NR1H4: variants seen among roughly 807,000 people sequenced by gnomAD.
NR1H4 encodes the protein bile acid receptor.
Under a neutral mutation model 58.5 loss-of-function variants are expected in NR1H4, and 23 were observed. The observed-to-expected ratio is 0.39, with a 90% confidence interval of 0.28 to 0.56. The LOEUF is 0.56. Among genes scored for constraint, NR1H4 ranks in the 20% least tolerant of loss-of-function variants. The pLI is 0.58. For missense variants in NR1H4, 487 were observed against 576.9 expected (o/e 0.84, Z 1.60); for synonymous variants, 214 against 198.0 (o/e 1.08, Z -0.68).
At chr12:100,535,695 C>T (rs143270080) in intron 6 of NR1H4, among the ~76,000 whole-genome samples, 6 of 152,284 alleles carry the variant, frequency 3.9e-5, no homozygotes, top group East Asian at 3.9e-4. Context: ...TTTACAAATA[C>T]GTATTTTTGT....
At chr12:100,543,440 C>T (rs981924991) in intron 9 of NR1H4, among the ~76,000 whole-genome samples, 2 of 152,052 alleles carry the variant, frequency 1.3e-5, no homozygotes, top group Admixed American at 6.6e-5. Flanking sequence ...AAAGATGTCA[C>T]GCTTGCTGCC....
At chr12:100,492,439 A>G (rs1172679374) in intron 1 of NR1H4, 64 bp from the exon 2 acceptor site, 1 of 152,244 alleles carries the variant, frequency 6.6e-6, no homozygotes. Context: ...CAGCTTGGGA[A>G]AAGAGATTCT....
Position 100,529,491 on chromosome 12 carries a change from G to A in NR1H4, c.446-2967G>A, listed in dbSNP as rs188034366. ...GGTAAAGACTCAACTCCTTTGCTTG[G>A]CATTCAAGGACACTTAATCACATTC... On this transcript the variant is annotated intron_variant, in intron 4 of 10. Transcript: ENST00000392986. Among the ~76,000 whole-genome samples the A allele has an allele frequency of 8.7e-4, 133 of 152,072 alleles. 1 individual carries two copies. Among genetic ancestry groups the A allele is most frequent in the Non-Finnish European group, 3.8e-4 (26 of 67,988 alleles).
intron 6 of NR1H4, among the ~76,000 whole-genome samples, chr12:100,536,214 T>C (rs1046432554): frequency 2.0e-5 from 3 of 152,160 alleles, no homozygotes; most frequent in African/African-American, 7.2e-5. Context: ...TGACCTTCAA[T>C]ATGAATGGGC....
intron 9 of NR1H4, 152 bp downstream of exon 9, chr12:100,540,970 A>T (rs993088478): frequency 2.5e-6 from 2 of 791,662 alleles, no homozygotes; most frequent in Non-Finnish European, 4.2e-6. Context: ...TGTTAAATTG[A>T]TAAGACTTCT....
chr12:100,479,687 A>G (rs1364061683), intron 1 of NR1H4, among the ~76,000 whole-genome samples: 1 of 152,220 alleles, frequency 6.6e-6, no homozygotes, highest in Non-Finnish European at 1.5e-5. Context: ...TCCATTTAGA[A>G]GAAAATCCAA....
intron 4 of NR1H4, among the ~76,000 whole-genome samples, chr12:100,512,698 A>C (rs1374945950): frequency 6.6e-6 from 1 of 152,194 alleles, no homozygotes; most frequent in Non-Finnish European, 1.5e-5. Flanking sequence ...ACTAAGGCAC[A>C]GATAATCGTG....
chr12:100,490,317 G>A (rs563699609), intron 1 of NR1H4, among the ~76,000 whole-genome samples: 3 of 152,274 alleles, frequency 2.0e-5, no homozygotes, highest in South Asian at 4.1e-4. Flanking sequence ...GGAAGTACGG[G>A]GGAGCTTGCT....
At chr12:100,532,365 G>A (rs1461657037) in intron 4 of NR1H4, 93 bp from the exon 5 acceptor site, 5 of 1,301,708 alleles carry the variant, frequency 3.8e-6, no homozygotes, top group Non-Finnish European at 5.6e-6. Context: ...AGCAGTTGGT[G>A]AGAAAATGTC....
rs149797288 is a variant in NR1H4, at chr12:100,551,914, G to A, written c.1079-9971G>A. ...ACTTATAATACCTAATACAATGTAA[G>A]TGGTATGTAAATAATTGCTTCACTG... On this transcript the variant is annotated intron_variant, in intron 9 of 10. Transcript: ENST00000392986. 1.2e-3 allele frequency among the ~76,000 whole-genome samples: 186 copies of A among 152,298 alleles called. 1 individual carries two copies. The highest frequency in any genetic ancestry group is 4.2e-3 in the African/African-American group (173 of 41,566).
chr12:100,540,626 A>G, intron 8 of NR1H4, 46 bp from the exon 9 acceptor site: 1 of 1,592,094 alleles, frequency 6.3e-7, no homozygotes, highest in Admixed American at 1.7e-5. Context: ...GTGATCATGA[A>G]ATATTGTTAC....
intron 1 of NR1H4, among the ~76,000 whole-genome samples, chr12:100,490,353 CAG>C: frequency 6.6e-6 from 1 of 152,214 alleles, no homozygotes; most frequent in East Asian, 1.9e-4. Context: ...TTAAAAAAGA[CAG>C]ATGTGAGACA....
intron 5 of NR1H4, among the ~76,000 whole-genome samples, chr12:100,534,168 C>T (rs867476511): frequency 1.3e-5 from 2 of 152,332 alleles, no homozygotes; most frequent in South Asian, 2.1e-4. Flanking sequence ...GCTGGGATTA[C>T]AGGCGTGAGC....
At chr12:100,477,652 G>A (rs1329593640) in intron 1 of NR1H4, among the ~76,000 whole-genome samples, 1 of 152,194 alleles carries the variant, frequency 6.6e-6, no homozygotes, top group Non-Finnish European at 1.5e-5. Flanking sequence ...GCTGATTAGA[G>A]AAAACAAAAA....
chr12:100,483,744 G>T (rs1953430553), intron 1 of NR1H4, among the ~76,000 whole-genome samples: 2 of 152,268 alleles, frequency 1.3e-5, no homozygotes, highest in South Asian at 4.1e-4. Flanking sequence ...AGCACTTTGG[G>T]AGGCCAAGGC....
chr12:100,511,327 T>C (rs1954109985), intron 4 of NR1H4, among the ~76,000 whole-genome samples, 184 bp downstream of exon 4: 1 of 152,200 alleles, frequency 6.6e-6, no homozygotes, highest in Non-Finnish European at 1.5e-5. Flanking sequence ...ACTGTTAGAG[T>C]ATTTAGCTTA....
chr12:100,492,205 G>T (rs1466260615), intron 1 of NR1H4, among the ~76,000 whole-genome samples: 1 of 152,160 alleles, frequency 6.6e-6, no homozygotes, highest in Non-Finnish European at 1.5e-5. Flanking sequence ...TTTCCCAGCA[G>T]CCAAGTGCAC....
rs182065927 is a variant in NR1H4 at position 100,540,934 on chromosome 12, A to G, written c.1078+116A>G. The G allele has an allele frequency of 1.9e-3, 1,818 of 960,226 alleles. 6 individuals carry two copies. The highest frequency in any genetic ancestry group is 9.6e-3 in the Middle Eastern group (43 of 4,492). 59.5% of individuals were successfully genotyped at this position (960,226 alleles called of 1,614,324 possible). ...ATGTTATATGCCTGTTGTGCCTAGC[A>G]TGAAGAATGGCTCTAAAAAGATATG... On this transcript the variant is annotated intron_variant, in intron 9 of 10. Transcript: ENST00000392986.
At chr12:100,489,179 A>G (rs1457822226) in intron 1 of NR1H4, among the ~76,000 whole-genome samples, 2 of 152,234 alleles carry the variant, frequency 1.3e-5, no homozygotes, top group East Asian at 3.8e-4. Flanking sequence ...AGAGGTAAAG[A>G]AAATCTGACT....
Sources: allele counts gnomAD v4.1 joint callset (sites outside exome capture counted in the v4.1 genomes callset), GRCh38; gene constraint gnomAD v4.1.1; transcripts MANE v1.5; gene names NCBI Gene and HGNC (gene_info 2026-07-23, HGNC 2026-07-21).